Variants in AP1S3 observed in about 807,000 individuals in gnomAD.
AP1S3 encodes adaptor related protein complex 1 subunit sigma 3.
Under a neutral mutation model 20.9 loss-of-function variants are expected in AP1S3, and 10 were observed. The ratio of observed to expected loss-of-function variants is 0.48; its 90% CI spans 0.29 to 0.81. AP1S3 has a LOEUF of 0.81. Ranked by LOEUF, AP1S3 falls within the 30% of genes least tolerant of loss-of-function variation. The pLI, the probability that AP1S3 is intolerant of heterozygous loss-of-function variation, is 0.08. For missense variants in AP1S3, 154 were observed against 183.8 expected (o/e 0.84, Z 0.94); for synonymous variants, 41 against 61.5 (o/e 0.67, Z 1.56).
intron 1 of AP1S3, among the ~76,000 whole-genome samples, chr2:223,800,695 A>G (rs918525982): frequency 1.3e-5 from 2 of 152,224 alleles, no homozygotes; most frequent in Non-Finnish European, 2.9e-5. Context: ...CCCCAACTTG[A>G]TAAAGAACAT....
At chr2:223,779,372 C>T (rs1690868785) in intron 1 of AP1S3, among the ~76,000 whole-genome samples, 1 of 151,912 alleles carries the variant, frequency 6.6e-6, no homozygotes, top group Non-Finnish European at 1.5e-5. Context: ...AGTGAGACCC[C>T]ATCTCTAAAT....
chr2:223,776,507 T>C (rs1479632216), intron 2 of AP1S3, among the ~76,000 whole-genome samples: 1 of 152,110 alleles, frequency 6.6e-6, no homozygotes, highest in Non-Finnish European at 1.5e-5. Flanking sequence ...ATTTACTCCA[T>C]TGAATATCAA....
At chr2:223,762,012 G>A (rs1168462751) in intron 4 of AP1S3, among the ~76,000 whole-genome samples, 5 of 151,926 alleles carry the variant, frequency 3.3e-5, no homozygotes, top group East Asian at 3.9e-4. Context: ...TCACTCTGCC[G>A]CCCAGGCTAG....
At chr2:223,781,344 CT>C (rs1227319385) in intron 1 of AP1S3, among the ~76,000 whole-genome samples, 2 of 152,024 alleles carry the variant, frequency 1.3e-5, no homozygotes, top group Non-Finnish European at 2.9e-5. Flanking sequence ...AAAAACCCTC[CT>C]CATCAGCAGC....
intron 1 of AP1S3, among the ~76,000 whole-genome samples, chr2:223,826,205 G>A (rs1320679331): frequency 6.6e-6 from 1 of 152,140 alleles, no homozygotes; most frequent in Non-Finnish European, 1.5e-5. Flanking sequence ...GACTAGTCCT[G>A]TGTTGTGTTT....
intron 1 of AP1S3, among the ~76,000 whole-genome samples, chr2:223,835,125 C>T (rs80020583): frequency 0.037 from 3,367 of 91,938 alleles, 102 homozygotes; most frequent in African/African-American, 0.12. Context: ...ACCCAGGTCA[C>T]ACTTTCAGAA....
intron 3 of AP1S3, among the ~76,000 whole-genome samples, chr2:223,769,849 A>G (rs1690570664): frequency 7.3e-6 from 1 of 136,362 alleles, no homozygotes; most frequent in Admixed American, 8.9e-5. Flanking sequence ...GGTTCACGCC[A>G]TTCTCCTGCC....
rs575299864 is a variant in AP1S3 at position 223,757,703 on chromosome 2, C to A, written c.*1012G>T. 136 of 985,258 alleles carry A rather than the reference C, an allele frequency of 1.4e-4. No individual in the cohort carries two copies. Among genetic ancestry groups the A allele is most frequent in the South Asian group, 3.3e-4 (7 of 21,280 alleles). 61.0% of individuals were successfully genotyped at this position (985,258 alleles called of 1,614,324 possible). A position where few individuals can be genotyped will look rare whatever the true frequency, so the allele number is the denominator to read the frequency against. On this transcript the variant is annotated 3_prime_UTR_variant, in exon 5 of 5. Coordinates refer to ENST00000396654, the MANE Select transcript of AP1S3 (RefSeq NM_001039569.2). ...ACAGTAATAATGGTCAGCAGCAAAT[C>A]TTTTCTTTGGGGAGGAAAGGGTAAG... is the stretch of plus-strand genomic sequence containing the variant.
chr2:223,783,868 T>C (rs530678987), intron 1 of AP1S3, among the ~76,000 whole-genome samples: 2 of 152,316 alleles, frequency 1.3e-5, no homozygotes, highest in Admixed American at 6.5e-5. Context: ...TTCTGAAGCC[T>C]GTTACAGTAT....
In AP1S3 at chr2:223,756,012, C is replaced by T; in HGVS notation, c.*2703G>A. 5.1e-6 allele frequency: 5 copies of T among 985,430 alleles called. No homozygotes were observed. The highest frequency in any genetic ancestry group is 6.0e-6 in the Non-Finnish European group (5 of 829,936). 61.0% of individuals were successfully genotyped at this position (985,430 alleles called of 1,614,324 possible). A position where few individuals can be genotyped will look rare whatever the true frequency, so the allele number is the denominator to read the frequency against. On this transcript the variant is annotated 3_prime_UTR_variant, in exon 5 of 5. Transcript: ENST00000396654. Reference sequence around the variant, plus strand: ...AACCGGAAAAACTATGATGGATTTACATGAGGTCCATCTTTACAAAATTGT... The same window carrying T: ...AACCGGAAAAACTATGATGGATTTATATGAGGTCCATCTTTACAAAATTGT...
chr2:223,837,372 C>T, intron 1 of AP1S3, 76 bp downstream of exon 1: 2 of 897,240 alleles, frequency 2.2e-6, no homozygotes, highest in South Asian at 5.2e-5. Flanking sequence ...CGCGCCCGGC[C>T]CGGACGCCCC....
Position 223,825,269 on chromosome 2 carries a change from C to G in AP1S3, c.3+12179G>C, listed in dbSNP as rs374375784. Among the ~76,000 whole-genome samples the G allele has an allele frequency of 2.1e-4, 31 of 150,784 alleles. 1 individual carries two copies. In the South Asian group the frequency reaches 6.3e-3, roughly 31 times the overall value. ...CGGAGCTTGCAGTGAGCTGAGATCGCGCCACTGCACTCCAGCCTGGGTGAC... is the reference window on the plus strand; with the variant it reads ...CGGAGCTTGCAGTGAGCTGAGATCGGGCCACTGCACTCCAGCCTGGGTGAC... On this transcript the variant is annotated intron_variant, in intron 1 of 4. Coordinates refer to ENST00000396654, the MANE Select transcript of AP1S3 (RefSeq NM_001039569.2).
chr2:223,780,651 G>A (rs979395635), intron 1 of AP1S3, among the ~76,000 whole-genome samples: 3 of 150,312 alleles, frequency 2.0e-5, no homozygotes, highest in African/African-American at 4.9e-5. Flanking sequence ...GACTGGTCTC[G>A]AACTCCTAGG....
intron 3 of AP1S3, among the ~76,000 whole-genome samples, chr2:223,769,499 A>G (rs1690558217): frequency 6.6e-6 from 1 of 152,190 alleles, no homozygotes; most frequent in African/African-American, 2.4e-5. Context: ...CCTTGTCTAC[A>G]AATTGCTTCT....
rs190570937 is a variant in AP1S3 at position 223,762,123 on chromosome 2, C to A, written c.429+3090G>T. On this transcript the variant is annotated intron_variant, in intron 4 of 4. Transcript: ENST00000396654. ...GAGTAGCTGGGATTACAGGAGCCCA[C>A]CACTGCACCTGGCTAATTTTTGTAT... is the stretch of plus-strand genomic sequence containing the variant. 4.1e-3 allele frequency among the ~76,000 whole-genome samples: 626 copies of A among 151,984 alleles called. 1 individual carries two copies. The highest frequency in any genetic ancestry group is 0.015 in the African/African-American group (603 of 41,412).
intron 1 of AP1S3, among the ~76,000 whole-genome samples, chr2:223,784,809 G>A (rs893801369): frequency 4.6e-5 from 7 of 151,710 alleles, no homozygotes; most frequent in African/African-American, 1.7e-4. Context: ...GACCAGCTTG[G>A]GCAACATAGG....
chr2:223,777,559 G>A, intron 2 of AP1S3, 132 bp downstream of exon 2: 1 of 770,662 alleles, frequency 1.3e-6, no homozygotes, highest in Non-Finnish European at 2.0e-6. Context: ...TAGTCTATTG[G>A]TACAAATATC....
chr2:223,819,600 A>C (rs988352863), intron 1 of AP1S3, among the ~76,000 whole-genome samples: 1 of 62,092 alleles, frequency 1.6e-5, no homozygotes, highest in Admixed American at 1.4e-4. Flanking sequence ...GCCTTGTGTA[A>C]AAAAAAAAAA....
In AP1S3 at chr2:223,756,600, G is replaced by C. The variant is rs1250343131; in HGVS notation, c.*2115C>G. On this transcript the variant is annotated 3_prime_UTR_variant, in exon 5 of 5. Coordinates refer to ENST00000396654, the MANE Select transcript of AP1S3 (RefSeq NM_001039569.2). ...TAAACTTCAAGCTGATGCCATAATT[G>C]TAATTACATGGTAACCTGAAGAAAT... The C allele has an allele frequency of 1.1e-5, 11 of 985,252 alleles. No individual in the cohort carries two copies. In the East Asian group the frequency reaches 1.0e-3, roughly 91 times the overall value. The allele number at this position is 985,252 out of a possible 1,614,324, so 61.0% of individuals were successfully genotyped here. A position where few individuals can be genotyped will look rare whatever the true frequency, so the allele number is the denominator to read the frequency against.
Sources: gnomAD v4.1 joint callset for allele counts (sites outside exome capture counted in the v4.1 genomes callset) on GRCh38, gnomAD v4.1.1 for gene constraint, MANE v1.5 for transcripts, NCBI Gene and HGNC (gene_info 2026-07-23, HGNC 2026-07-21) for gene names.